The following CDH7 variants were observed in gnomAD, a reference collection of about 807,000 sequenced individuals.
CDH7 encodes cadherin-7.
CDH7 carries 25 observed loss-of-function variants against 71.8 expected under a neutral mutation model. The observed-to-expected ratio is 0.35, with a 90% confidence interval of 0.25 to 0.49. The LOEUF (loss-of-function observed/expected upper bound fraction) is 0.49. CDH7 is among the 20% of genes least tolerant of loss of function. The probability of loss-of-function intolerance (pLI) is 0.99; values close to 1 mark genes in which losing one functional copy is unlikely to be tolerated. For missense variants in CDH7, 862 were observed against 974.6 expected, an observed-to-expected ratio of 0.88 and a Z score of 1.54; for synonymous variants, 381 against 363.8, an observed-to-expected ratio of 1.05 and a Z score of -0.54.
At chr18:65,873,123 A>G (rs1913975795) in intron 11 of CDH7, among the ~76,000 whole-genome samples, 1 of 152,210 alleles carries the variant, frequency 6.6e-6, no homozygotes, top group South Asian at 2.1e-4. Context: ...TTATACTTGC[A>G]TATCAATGTG....
intron 2 of CDH7, among the ~76,000 whole-genome samples, chr18:65,798,019 G>A (rs1211321048): frequency 6.6e-6 from 1 of 152,154 alleles, no homozygotes; most frequent in Admixed American, 6.5e-5. Flanking sequence ...GAACATCACA[G>A]CACTTGAGCG....
At chr18:65,784,113 ATT>A (rs72393865) in intron 2 of CDH7, among the ~76,000 whole-genome samples, 2,350 of 106,728 alleles carry the variant, frequency 0.022, 75 homozygotes, top group African/African-American at 0.076. Context: ...ACCCACAGCT[ATT>A]TTTTTTTTTT....
rs1313446786 is a variant in CDH7 at position 65,842,835 on chromosome 18, TCAGTATTCCTGTAAAG to T, written c.982-976_982-961del. Among the ~76,000 whole-genome samples, 16 of 127,732 alleles carry T rather than the reference TCAGTATTCCTGTAAAG, an allele frequency of 1.3e-4. No homozygotes were observed. In the South Asian group the frequency reaches 2.6e-3, roughly 20 times the overall value. The allele number at this position is 127,732 out of a possible 152,430, so 83.8% of individuals were successfully genotyped here. On this transcript the variant is annotated intron_variant, in intron 6 of 11. Transcript: ENST00000397968. ...CTAAGTCAAGTATGTATTATATTTT[TCAGTATTCCTGTAAAG>T]TTTTTTTTTTCACTGTTTTTAATTC...
intron 2 of CDH7, among the ~76,000 whole-genome samples, chr18:65,766,137 G>A (rs908535191): frequency 6.6e-6 from 1 of 151,998 alleles, no homozygotes; most frequent in African/African-American, 2.4e-5. Flanking sequence ...TTTTGGGGGA[G>A]CTTAATAATG....
chr18:65,835,040 T>C (rs1047456889), intron 6 of CDH7, among the ~76,000 whole-genome samples: 1 of 152,180 alleles, frequency 6.6e-6, no homozygotes, highest in Non-Finnish European at 1.5e-5. Context: ...CATCAGCTAT[T>C]GGTCAGCATG....
At chr18:65,862,425 GT>G (rs1012815464) in intron 10 of CDH7, among the ~76,000 whole-genome samples, 1 of 152,006 alleles carries the variant, frequency 6.6e-6, no homozygotes, top group African/African-American at 2.4e-5. Flanking sequence ...TTCATATTTT[GT>G]TTTACTTTAT....
chr18:65,819,830 G>A (rs1911854535), intron 4 of CDH7, among the ~76,000 whole-genome samples: 1 of 151,272 alleles, frequency 6.6e-6, no homozygotes, highest in African/African-American at 2.4e-5. Flanking sequence ...CCCTCACAGC[G>A]TGAATCTCCC....
In CDH7 at chr18:65,871,240, A is replaced by G. The variant is rs367669879; in HGVS notation, c.1864+8323A>G. Among the ~76,000 whole-genome samples the G allele has an allele frequency of 5.3e-5, 8 of 152,350 alleles. No homozygotes were observed. In the East Asian group the frequency reaches 7.7e-4, roughly 15 times the overall value. ...TCCACAATGTATGACCTATTATTGA[A>G]TAAAGACAGTTATCGCCTACTGTGG... On this transcript the variant is annotated intron_variant, in intron 11 of 11. Coordinates refer to ENST00000397968, the MANE Select transcript of CDH7 (RefSeq NM_004361.5).
intron 2 of CDH7, among the ~76,000 whole-genome samples, chr18:65,773,931 C>T (rs1426319201): frequency 1.3e-5 from 2 of 151,992 alleles, no homozygotes; most frequent in African/African-American, 4.8e-5. Flanking sequence ...TACACCCCCA[C>T]ACTAATTTTA....
At chr18:65,760,798 TTCTCA>T (rs1440956689) in intron 1 of CDH7, among the ~76,000 whole-genome samples, 1 of 152,180 alleles carries the variant, frequency 6.6e-6, no homozygotes, top group African/African-American at 2.4e-5. Context: ...CTCTTCACGA[TTCTCA>T]TCTCATCACT....
At position 65,804,083 on chromosome 18, in the gene CDH7, A is replaced by C. The variant is rs1911224941; in HGVS notation, c.211-5621A>C. Among the ~76,000 whole-genome samples the C allele has an allele frequency of 2.0e-5, 3 of 152,128 alleles. No homozygotes were observed. In the South Asian group the frequency reaches 6.2e-4, roughly 31 times the overall value. ...GTTTTAGTTTCTAGTTTCGTTTATT[A>C]GTGTTAAAGCTTTCACAATACATAT... is the stretch of plus-strand genomic sequence containing the variant. On this transcript the variant is annotated intron_variant, in intron 2 of 11. Transcript: ENST00000397968.
intron 6 of CDH7, among the ~76,000 whole-genome samples, chr18:65,833,409 C>T (rs180765218): frequency 7.9e-4 from 120 of 152,304 alleles, no homozygotes; most frequent in African/African-American, 2.7e-3. Flanking sequence ...TTCTTCCTCT[C>T]ATTAATTGTT....
intron 4 of CDH7, 147 bp from the exon 5 acceptor site, chr18:65,821,934 G>A (rs1469721738): frequency 3.4e-6 from 2 of 596,048 alleles, no homozygotes; most frequent in East Asian, 5.8e-5. Flanking sequence ...TATTTCTTTG[G>A]TCTTTAATAC....
At chr18:65,854,097 G>C (rs1316469741) in intron 7 of CDH7, among the ~76,000 whole-genome samples, 26 of 151,202 alleles carry the variant, frequency 1.7e-4, no homozygotes, top group Admixed American at 1.7e-3. Context: ...TTGAGCCCAG[G>C]AGTTTGGGAC....
intron 9 of CDH7, among the ~76,000 whole-genome samples, 198 bp from the exon 10 acceptor site, chr18:65,859,510 A>G (rs960491932): frequency 2.0e-5 from 3 of 152,256 alleles, no homozygotes; most frequent in East Asian, 3.8e-4. Flanking sequence ...GAATTCAAAC[A>G]TGAACTAAGA....
rs1056122150 is a variant in CDH7, at chr18:65,803,870, A to AC, written c.211-5834_211-5833insC. The AC allele has an allele frequency of 6.4e-4, 97 of 151,156 alleles. 1 individual carries two copies. In the East Asian group the frequency reaches 0.018, roughly 28 times the overall value. 9.4% of individuals were successfully genotyped at this position (151,156 alleles called of 1,614,324 possible). ...GTAAATCAGTGGTTAAAAAAAAAAAAAGAACACACACACTTTTTACTTTGC... is the reference window on the plus strand; with the variant it reads ...GTAAATCAGTGGTTAAAAAAAAAAAACAGAACACACACACTTTTTACTTTGC... On this transcript the variant is annotated intron_variant, in intron 2 of 11. Transcript: ENST00000397968.
chr18:65,830,533 T>TTC (rs1568208928), intron 6 of CDH7, among the ~76,000 whole-genome samples: 2 of 150,414 alleles, frequency 1.3e-5, no homozygotes, highest in African/African-American at 2.4e-5. Context: ...TTCCTTCCTT[T>TTC]CTTCCTCCCT....
rs1911365890 is a variant in CDH7 at position 65,807,465 on chromosome 18, G to A, written c.211-2239G>A. 2.0e-5 allele frequency among the ~76,000 whole-genome samples: 3 copies of A among 152,184 alleles called. No homozygotes were observed. The South Asian group carries it at 6.2e-4, about 31-fold the overall frequency. ...TGAAAGTCGTTAATGTGATTTCAGT[G>A]TAAAAAAGCTTTGATTAAAGACATG... On this transcript the variant is annotated intron_variant, in intron 2 of 11. Coordinates refer to ENST00000397968, the MANE Select transcript of CDH7 (RefSeq NM_004361.5).
intron 4 of CDH7, 30 bp downstream of exon 4, chr18:65,814,634 A>G (rs1911660820): frequency 6.3e-7 from 1 of 1,586,454 alleles, no homozygotes; most frequent in South Asian, 1.1e-5. Flanking sequence ...ATTCTTGTAA[A>G]GTCATCATTT....
Sources: allele counts gnomAD v4.1 joint callset (sites outside exome capture counted in the v4.1 genomes callset), GRCh38; gene constraint gnomAD v4.1.1; transcripts MANE v1.5; gene names NCBI Gene and HGNC (gene_info 2026-07-23, HGNC 2026-07-21).